Variants in CFAP44 observed in about 807,000 individuals in gnomAD.
CFAP44 encodes cilia and flagella associated protein 44, also known as cilia- and flagella-associated protein 44.
A neutral mutation model predicts 216.2 loss-of-function variants in CFAP44; 134 were observed. The observed-to-expected ratio is 0.62, with a 90% CI of 0.54 to 0.72. The LOEUF is 0.72. Among genes scored for constraint, CFAP44 ranks in the 30% least tolerant of loss-of-function variants. The probability of loss-of-function intolerance (pLI) is 0.00; values close to 1 mark genes in which losing one functional copy is unlikely to be tolerated. For missense variants in CFAP44, 2,035 were observed against 2,182.1 expected, an observed-to-expected ratio of 0.93 and a Z score of 1.34; for synonymous variants, 700 against 727.6, an observed-to-expected ratio of 0.96 and a Z score of 0.61.
Position 113,426,116 on chromosome 3 carries a change from G to A in CFAP44, c.407+8C>T. 1 of 1,613,096 alleles carries A rather than the reference G, an allele frequency of 6.2e-7. No homozygotes were observed. ...CCAAAATTATACATATTTAGCCAGG[G>A]TGGATACACAAGTGTGAGAAGATCC... On this transcript the variant is annotated splice_region_variant and intron_variant, in intron 4 of 34. Coordinates refer to ENST00000393845, the MANE Select transcript of CFAP44 (RefSeq NM_001164496.2).
At chr3:113,404,766 G>A (rs7643592) in intron 8 of CFAP44, among the ~76,000 whole-genome samples, 61,725 of 151,848 alleles carry the variant, frequency 0.41, 12,779 homozygotes, top group East Asian at 0.52. Context: ...TGATAGCCCT[G>A]ACTATTATTA....
At chr3:113,408,958 C>G in intron 7 of CFAP44, 148 bp downstream of exon 7, 1 of 519,646 alleles carries the variant, frequency 1.9e-6, no homozygotes, top group Middle Eastern at 5.4e-4. Context: ...TACTAGTTAG[C>G]TTTTAAAATA....
chr3:113,429,154 AAT>A (rs1387020639), intron 2 of CFAP44: 2 of 152,174 alleles, frequency 1.3e-5, no homozygotes, highest in African/African-American at 4.8e-5. Context: ...ATACAACAAC[AAT>A]ATACAAATAT....
intron 28 of CFAP44, among the ~76,000 whole-genome samples, chr3:113,309,487 G>A (rs1353903): frequency 0.34 from 51,038 of 151,930 alleles, 8,995 homozygotes; most frequent in East Asian, 0.57. Context: ...TTTTTAATAA[G>A]TGTCAGGAAT....
chr3:113,372,982 T>G (rs983415755), intron 18 of CFAP44, among the ~76,000 whole-genome samples: 4 of 152,028 alleles, frequency 2.6e-5, no homozygotes, highest in African/African-American at 9.7e-5. Context: ...TACAAAAGAA[T>G]AGAGAAAAAA....
chr3:113,342,547 G>C (rs1950342841), intron 23 of CFAP44, among the ~76,000 whole-genome samples: 2 of 152,140 alleles, frequency 1.3e-5, no homozygotes, highest in Non-Finnish European at 1.5e-5. Flanking sequence ...TGTTGGGAAA[G>C]AGTGTTTGTG....
At chr3:113,432,034 G>A (rs1157820704) in intron 2 of CFAP44, 2 of 152,136 alleles carry the variant, frequency 1.3e-5, no homozygotes, top group Non-Finnish European at 2.9e-5. Flanking sequence ...TGAGAAAATT[G>A]AGGCTCAGAA....
rs181689208 is a variant in CFAP44 at position 113,311,681 on chromosome 3, G to A, written c.4517-3413C>T. 5.6e-4 allele frequency among the ~76,000 whole-genome samples: 86 copies of A among 152,276 alleles called. 2 individuals are homozygous for A. Among genetic ancestry groups the A allele is most frequent in the East Asian group, 4.6e-3 (24 of 5,184 alleles). On this transcript the variant is annotated intron_variant, in intron 28 of 34. Coordinates refer to ENST00000393845, the MANE Select transcript of CFAP44 (RefSeq NM_001164496.2). ...AACAGATATCCAAAAATATGGAAGC[G>A]ACTTTGGAACTGGGTAACAGGCAGA... is the stretch of plus-strand genomic sequence containing the variant.
Position 113,288,326 on chromosome 3 carries a change from G to GAGA in CFAP44, c.*3228_*3230dup, listed in dbSNP as rs1949794961. On this transcript the variant is annotated 3_prime_UTR_variant, in exon 35 of 35. Coordinates refer to ENST00000393845, the MANE Select transcript of CFAP44 (RefSeq NM_001164496.2). ...TTTTTCCATCAAGCTCAACGTCAGA[G>GAGA]AGAACTTCATGTGGAAGTGCAGCAT... is the stretch of plus-strand genomic sequence containing the variant. 3 of 152,202 alleles carry GAGA rather than the reference G, an allele frequency of 2.0e-5. No individual in the cohort carries two copies. Among genetic ancestry groups the GAGA allele is most frequent in the Admixed American group, 2.0e-4 (3 of 15,284 alleles). 9.4% of individuals were successfully genotyped at this position (152,202 alleles called of 1,614,324 possible).
intron 22 of CFAP44, among the ~76,000 whole-genome samples, chr3:113,346,669 C>G (rs1040400986): frequency 6.6e-6 from 1 of 152,178 alleles, no homozygotes; most frequent in Non-Finnish European, 1.5e-5. Flanking sequence ...ATTGTAAGTG[C>G]ACCAATCAGC....
chr3:113,382,580 T>C (rs879905817), intron 15 of CFAP44, among the ~76,000 whole-genome samples: 5 of 152,094 alleles, frequency 3.3e-5, no homozygotes, highest in Admixed American at 3.3e-4. Flanking sequence ...ATTTAAATAC[T>C]GAAGGAAACA....
chr3:113,404,399 C>A (rs1934220606), intron 8 of CFAP44, among the ~76,000 whole-genome samples: 1 of 152,074 alleles, frequency 6.6e-6, no homozygotes, highest in African/African-American at 2.4e-5. Context: ...ACTTGTAAGG[C>A]CAGTACTGAA....
chr3:113,422,496 G>C (rs940481018), intron 4 of CFAP44, among the ~76,000 whole-genome samples: 10 of 151,950 alleles, frequency 6.6e-5, no homozygotes, highest in African/African-American at 2.4e-4. Context: ...AGCATTTCAG[G>C]GTACTGGATC....
At chr3:113,297,208 A>T (rs781503926) in intron 32 of CFAP44, among the ~76,000 whole-genome samples, 39 of 152,066 alleles carry the variant, frequency 2.6e-4, no homozygotes, top group Non-Finnish European at 5.1e-4. Context: ...ATGGCACTTT[A>T]CAGCATCTAG....
In CFAP44 at chr3:113,400,570, A is replaced by G. The variant is rs73237120; in HGVS notation, c.1449T>C (p.Tyr483=). ...IEAVAVSPLT[Y]LMATTALDCS... ...AGTCCAAGGCAGTTGTGGCCATGAG[A>G]TAAGTGAGAGGAGAAACAGCCACGG... Residue 483 remains tyrosine, a synonymous_variant, in exon 12 of 35, where the codon TAT becomes TAC. Coordinates refer to ENST00000393845, the MANE Select transcript of CFAP44 (RefSeq NM_001164496.2). 1,001 of 1,609,834 alleles carry G rather than the reference A, an allele frequency of 6.2e-4. No individual in the cohort carries two copies. The highest frequency in any genetic ancestry group is 8.0e-4 in the Non-Finnish European group (943 of 1,177,912).
At chr3:113,397,850 T>C (rs1934030027) in intron 13 of CFAP44, among the ~76,000 whole-genome samples, 1 of 152,126 alleles carries the variant, frequency 6.6e-6, no homozygotes, top group Non-Finnish European at 1.5e-5. Flanking sequence ...TGATTGGGGA[T>C]GTGCAGAAGA....
intron 6 of CFAP44, among the ~76,000 whole-genome samples, chr3:113,414,603 AT>A (rs766937740): frequency 2.5e-4 from 38 of 152,362 alleles, no homozygotes; most frequent in Non-Finnish European, 4.4e-4. Context: ...CCTTTTCTGC[AT>A]CTATTGAGAT....
intron 6 of CFAP44, among the ~76,000 whole-genome samples, chr3:113,416,064 A>G (rs1051255331): frequency 6.6e-6 from 1 of 152,212 alleles, no homozygotes; most frequent in Non-Finnish European, 1.5e-5. Flanking sequence ...ATACATATTC[A>G]GAATAGTTAG....
intron 26 of CFAP44, 119 bp downstream of exon 26, chr3:113,330,049 T>C (rs1428575324): frequency 7.9e-7 from 1 of 1,270,086 alleles, no homozygotes; most frequent in Non-Finnish European, 1.0e-6. Flanking sequence ...GGTAAGCTGG[T>C]CAGGGTTTGG....
Sources: gnomAD v4.1 joint callset for allele counts (sites outside exome capture counted in the v4.1 genomes callset) on GRCh38, gnomAD v4.1.1 for gene constraint, MANE v1.5 for transcripts, NCBI Gene and HGNC (gene_info 2026-07-23, HGNC 2026-07-21) for gene names.